The following DOCK10 variants were observed in gnomAD, a reference collection of about 807,000 sequenced individuals.
DOCK10 encodes dedicator of cytokinesis protein 10.
Under a neutral mutation model 280.1 loss-of-function variants are expected in DOCK10, and 145 were observed. The ratio of observed to expected loss-of-function variants is 0.52; its 90% CI spans 0.45 to 0.59. The LOEUF is 0.59. Ranked by LOEUF, DOCK10 falls within the 20% of genes least tolerant of loss-of-function variation. The pLI, the probability that DOCK10 is intolerant of heterozygous loss-of-function variation, is 0.00. For synonymous variants in DOCK10, 915 were observed against 942.2 expected (o/e 0.97, Z 0.53); for missense variants, 2,368 against 2,651.7 (o/e 0.89, Z 2.35).
In DOCK10 at chr2:224,858,912, G is replaced by A. The variant is rs78201612; in HGVS notation, c.1686-1930C>T. ...AAGGAAAAGAACCTTAGGTGTCCCC[G>A]ATAGATTCATTCACAAACAGCATGA... On this transcript the variant is annotated intron_variant, in intron 14 of 55. Transcript: ENST00000258390. Among the ~76,000 whole-genome samples the A allele has an allele frequency of 2.8e-3, 422 of 152,238 alleles. 1 individual carries two copies. The highest frequency in any genetic ancestry group is 9.4e-3 in the African/African-American group (391 of 41,528).
At chr2:224,995,044 G>T (rs920705237) in intron 1 of DOCK10, among the ~76,000 whole-genome samples, 33 of 152,262 alleles carry the variant, frequency 2.2e-4, no homozygotes, top group African/African-American at 7.9e-4. Flanking sequence ...TGGCAAGTCA[G>T]GAGGGGAAGG....
intron 1 of DOCK10, among the ~76,000 whole-genome samples, chr2:224,991,585 A>G (rs1559933867): frequency 6.6e-6 from 1 of 152,104 alleles, no homozygotes; most frequent in Non-Finnish European, 1.5e-5. Context: ...CTCAAACAGA[A>G]GAGAGAGCCT....
intron 1 of DOCK10, among the ~76,000 whole-genome samples, chr2:225,023,825 C>T (rs1433139326): frequency 1.3e-5 from 2 of 152,180 alleles, no homozygotes; most frequent in African/African-American, 4.8e-5. Context: ...AGTATCATCA[C>T]TAGATGCTAA....
intron 31 of DOCK10, among the ~76,000 whole-genome samples, chr2:224,813,543 C>T (rs1693924854): frequency 6.6e-6 from 1 of 152,186 alleles, no homozygotes; most frequent in South Asian, 2.1e-4. Flanking sequence ...GTAGTACTAG[C>T]ACCCGTGTAT....
At position 224,765,426 on chromosome 2, in the gene DOCK10, C is replaced by CACATACACTACAGT. The variant is rs1690033044; in HGVS notation, c.*294_*295insACTGTAGTGTATGT. 2 of 270,390 alleles carry CACATACACTACAGT rather than the reference C, an allele frequency of 7.4e-6. No individual in the cohort carries two copies. Among genetic ancestry groups the CACATACACTACAGT allele is most frequent in the African/African-American group, 4.4e-5 (2 of 45,116 alleles). The allele number at this position is 270,390 out of a possible 1,614,324, so 16.7% of individuals were successfully genotyped here. On this transcript the variant is annotated 3_prime_UTR_variant, in exon 56 of 56. Coordinates refer to ENST00000258390, the MANE Select transcript of DOCK10 (RefSeq NM_014689.3). The stretch of plus-strand genomic sequence containing the variant: ...AACCTTTAAAATATGTGTACTAGGA[C>CACATACACTACAGT]TGGGGTACTGACCATACAATAACTG...
intron 1 of DOCK10, among the ~76,000 whole-genome samples, chr2:224,948,830 G>A (rs1703571370): frequency 6.6e-6 from 1 of 152,178 alleles, no homozygotes; most frequent in East Asian, 1.9e-4. Flanking sequence ...TCAGCATACT[G>A]TCTTATAACA....
At chr2:224,875,765 T>G (rs1023272891) in intron 8 of DOCK10, among the ~76,000 whole-genome samples, 1 of 152,188 alleles carries the variant, frequency 6.6e-6, no homozygotes, top group South Asian at 2.1e-4. Context: ...CCATTGGACA[T>G]GAGCACATTT....
rs187630917 is a variant in DOCK10, at chr2:224,787,598, T to C, written c.5419-201A>G. 3.9e-4 allele frequency among the ~76,000 whole-genome samples: 59 copies of C among 152,320 alleles called. 1 individual carries two copies. In the East Asian group the frequency reaches 0.011, roughly 27 times the overall value. ...CTAATTCGTGCCCCAAAAGTGCTAATTTAAATCTGTGAAATGCCTTCAGAT... is the reference window on the plus strand; with the variant it reads ...CTAATTCGTGCCCCAAAAGTGCTAACTTAAATCTGTGAAATGCCTTCAGAT... On this transcript the variant is annotated intron_variant, in intron 48 of 55. Coordinates refer to ENST00000258390, the MANE Select transcript of DOCK10 (RefSeq NM_014689.3).
Position 224,849,875 on chromosome 2 carries a change from G to A in DOCK10, c.2143-276C>T, listed in dbSNP as rs956687965. 5.5e-4 allele frequency among the ~76,000 whole-genome samples: 84 copies of A among 152,216 alleles called. 1 individual carries two copies. The highest frequency in any genetic ancestry group is 2.0e-3 in the African/African-American group (82 of 41,532). ...TACCTGTGGGACAGGAATAATACAG[G>A]GTGGCCACAGGAGAACAGAAAATTC... On this transcript the variant is annotated intron_variant, in intron 18 of 55. Transcript: ENST00000258390.
chr2:224,794,968 C>T lies in DOCK10; in HGVS notation c.5065G>A (p.Ala1689Thr), dbSNP rs1253617665. 1 of 1,613,782 alleles carries T rather than the reference C, an allele frequency of 6.2e-7. No individual in the cohort carries two copies. Among genetic ancestry groups the T allele is most frequent in the African/African-American group, 1.3e-5 (1 of 74,894 alleles). ...TCAGGAGTGCTTGCGTAGGAGTTTGCCAGGCTGTACTGGAGATCCACCAGC... is the reference window on the plus strand; with the variant it reads ...TCAGGAGTGCTTGCGTAGGAGTTTGTCAGGCTGTACTGGAGATCCACCAGC... ...EMLVDLQYSL[A>T]NSYASTPELR... The change falls in exon 45 of 56, where the codon GCA becomes ACA. Residue 1689 changes from alanine to threonine, a missense_variant. Around this residue, in one of 2 missense-constraint regions of DOCK10, gnomAD observed 1,159 missense variants for 1,400.8 expected, o/e 0.83. Transcript: ENST00000258390.
intron 1 of DOCK10, among the ~76,000 whole-genome samples, chr2:224,962,348 A>G (rs1200175680): frequency 3.3e-5 from 5 of 152,222 alleles, no homozygotes; most frequent in Non-Finnish European, 7.3e-5. Context: ...ACAAATTTTC[A>G]TGGTTGTATA....
rs763051897 is a variant in DOCK10, at chr2:224,862,654, G to C, written c.1685+10C>G. On this transcript the variant is annotated intron_variant, in intron 14 of 55. Transcript: ENST00000258390. ...TATTTCTAGTCTGTTGGCTGCAACT[G>C]TCAACATACCTTACTGCCCAAGCAA... is the stretch of plus-strand genomic sequence containing the variant. 5 of 1,609,646 alleles carry C rather than the reference G, an allele frequency of 3.1e-6. No homozygotes were observed. The highest frequency in any genetic ancestry group is 4.3e-6 in the Non-Finnish European group (5 of 1,176,342).
At chr2:224,924,704 A>C (rs1165338687) in intron 2 of DOCK10, among the ~76,000 whole-genome samples, 2 of 152,206 alleles carry the variant, frequency 1.3e-5, no homozygotes, top group Non-Finnish European at 2.9e-5. Context: ...TTCTTAGCAC[A>C]ATCAAACACA....
chr2:224,918,656 A>G (rs1701481722), intron 2 of DOCK10, among the ~76,000 whole-genome samples: 1 of 138,400 alleles, frequency 7.2e-6, no homozygotes, highest in Admixed American at 7.2e-5. Flanking sequence ...TGTGGTGTGT[A>G]TATGGTGTGA....
intron 1 of DOCK10, among the ~76,000 whole-genome samples, chr2:224,953,516 A>G (rs770098347): frequency 1.3e-5 from 2 of 152,098 alleles, no homozygotes; most frequent in Non-Finnish European, 2.9e-5. Context: ...AGAGCTCTTA[A>G]AGTTAGTGGT....
chr2:225,023,262 C>G (rs549688802), intron 1 of DOCK10, among the ~76,000 whole-genome samples: 1 of 152,242 alleles, frequency 6.6e-6, no homozygotes, highest in Non-Finnish European at 1.5e-5. Flanking sequence ...TCTTGAACTC[C>G]TGACTTCAGG....
intron 40 of DOCK10, among the ~76,000 whole-genome samples, chr2:224,800,990 G>T (rs1438680203): frequency 1.3e-5 from 2 of 152,126 alleles, no homozygotes; most frequent in Non-Finnish European, 2.9e-5. Flanking sequence ...TCTGATTGGC[G>T]ATTGGTAGAA....
At chr2:225,015,202 G>A (rs1689557948) in intron 1 of DOCK10, among the ~76,000 whole-genome samples, 1 of 152,116 alleles carries the variant, frequency 6.6e-6, no homozygotes, top group Admixed American at 6.5e-5. Flanking sequence ...GCCAATACAT[G>A]AAAGTATAAA....
chr2:224,811,494 A>T (rs1451641657), intron 31 of DOCK10, among the ~76,000 whole-genome samples: 4 of 151,944 alleles, frequency 2.6e-5, no homozygotes, highest in African/African-American at 7.3e-5. Context: ...GTTTAATTAG[A>T]TCCCATTTGT....
Sources: allele counts gnomAD v4.1 joint callset (sites outside exome capture counted in the v4.1 genomes callset), GRCh38; gene constraint gnomAD v4.1.1; regional missense constraint gnomAD v4.1.1; transcripts MANE v1.5; gene names NCBI Gene and HGNC (gene_info 2026-07-23, HGNC 2026-07-21).